The following RAB6A variants were observed in gnomAD, a reference collection of about 807,000 sequenced individuals.
RAB6A encodes RAB6A, member RAS oncogene family, also known as ras-related protein Rab-6A.
Under a neutral mutation model 32.3 loss-of-function variants are expected in RAB6A, and 8 were observed. That is an observed-to-expected ratio of 0.25 (90% CI 0.15 to 0.45). The LOEUF (loss-of-function observed/expected upper bound fraction) is 0.45, where lower values mean the gene tolerates loss of function less well. Among genes scored for constraint, RAB6A ranks in the 20% least tolerant of loss-of-function variants. The pLI, the probability that RAB6A is intolerant of heterozygous loss-of-function variation, is 1.00. For synonymous variants in RAB6A, 73 were observed against 82.1 expected, an observed-to-expected ratio of 0.89 and a Z score of 0.60; for missense variants, 104 against 249.4, an observed-to-expected ratio of 0.42 and a Z score of 3.93.
At chr11:73,686,843 T>C (rs1187730295) in intron 6 of RAB6A, among the ~76,000 whole-genome samples, 2 of 152,154 alleles carry the variant, frequency 1.3e-5, no homozygotes, top group Non-Finnish European at 2.9e-5. Flanking sequence ...TATTTTAACA[T>C]TCCTTAACAT....
intron 6 of RAB6A, among the ~76,000 whole-genome samples, chr11:73,690,780 G>A (rs1235777943): frequency 6.6e-6 from 1 of 150,670 alleles, no homozygotes; most frequent in Non-Finnish European, 1.5e-5. Context: ...CAGTGGGGTG[G>A]AAGGGTCCGG....
rs187462327 is a variant in RAB6A, at chr11:73,749,818, C to T, written c.70+10748G>A. Among the ~76,000 whole-genome samples, 6 of 152,172 alleles carry T rather than the reference C, an allele frequency of 3.9e-5. No individual in the cohort carries two copies. In the East Asian group the frequency reaches 9.7e-4, roughly 24 times the overall value. On this transcript the variant is annotated intron_variant, in intron 1 of 7. Coordinates refer to ENST00000336083, the MANE Select transcript of RAB6A (RefSeq NM_198896.2). ...TTGAGGATGCAGTGAGCTGTGATCA[C>T]ATCACTACTCTCCAGCCTGGGTAAC...
chr11:73,693,291 A>AAAATAAATAAAT lies in RAB6A; in HGVS notation c.496-13583_496-13572dup, dbSNP rs3046617. ...TGACAGAGCAAGACTCCGTCTCCAA[A>AAAATAAATAAAT]AAATAAATAAATAAATAAATAAATA... is the stretch of plus-strand genomic sequence containing the variant. On this transcript the variant is annotated intron_variant, in intron 6 of 7. Coordinates refer to ENST00000336083, the MANE Select transcript of RAB6A (RefSeq NM_198896.2). Among the ~76,000 whole-genome samples, 203 of 151,032 alleles carry AAAATAAATAAAT rather than the reference A, an allele frequency of 1.3e-3. 1 individual carries two copies. In the East Asian group the frequency reaches 0.019, roughly 14 times the overall value.
chr11:73,706,254 A>C (rs1032908497), intron 6 of RAB6A, among the ~76,000 whole-genome samples: 1 of 152,038 alleles, frequency 6.6e-6, no homozygotes, highest in African/African-American at 2.4e-5. Context: ...GGTGGCTCAC[A>C]CCTGTAATCC....
chr11:73,760,856 G>A lies in RAB6A; in HGVS notation c.-221C>T, dbSNP rs1030042884. 4 of 539,048 alleles carry A rather than the reference G, an allele frequency of 7.4e-6. No individual in the cohort carries two copies. Among genetic ancestry groups the A allele is most frequent in the Non-Finnish European group, 1.3e-5 (4 of 314,102 alleles). The allele number at this position is 539,048 out of a possible 1,614,324, so 33.4% of individuals were successfully genotyped here. The stretch of plus-strand genomic sequence containing the variant: ...AGTAGCCTAGCACCGAGCGAGGCCC[G>A]CGGCTGGGAAGGGAAGGAGGGCGGT... On this transcript the variant is annotated 5_prime_UTR_variant, in exon 1 of 8. Transcript: ENST00000336083.
chr11:73,726,726 G>A (rs1946229724), intron 2 of RAB6A, among the ~76,000 whole-genome samples: 1 of 150,886 alleles, frequency 6.6e-6, no homozygotes, highest in Non-Finnish European at 1.5e-5. Flanking sequence ...CTCCAGCCTG[G>A]GTGACAGAGT....
chr11:73,694,346 C>CT (rs571627958), intron 6 of RAB6A, among the ~76,000 whole-genome samples: 2 of 152,160 alleles, frequency 1.3e-5, no homozygotes, highest in Non-Finnish European at 2.9e-5. Context: ...TTAAACAAAT[C>CT]TAAGGCTAAA....
At chr11:73,707,797 T>G (rs1945873212) in intron 5 of RAB6A, among the ~76,000 whole-genome samples, 1 of 152,156 alleles carries the variant, frequency 6.6e-6, no homozygotes, top group Admixed American at 6.6e-5. Flanking sequence ...TTGAGGATGC[T>G]CGAGCCCAGG....
intron 7 of RAB6A, among the ~76,000 whole-genome samples, chr11:73,679,115 G>A (rs1002592063): frequency 2.0e-5 from 3 of 152,128 alleles, no homozygotes; most frequent in Admixed American, 2.0e-4. Context: ...TAATAAAAAT[G>A]CCTGCATATG....
At chr11:73,727,882 T>C (rs550027367) in intron 2 of RAB6A, among the ~76,000 whole-genome samples, 2 of 152,224 alleles carry the variant, frequency 1.3e-5, no homozygotes, top group Non-Finnish European at 2.9e-5. Flanking sequence ...GTTTTTTTCT[T>C]TAATCTATAG....
intron 6 of RAB6A, among the ~76,000 whole-genome samples, chr11:73,692,459 C>A (rs1374202610): frequency 7.3e-6 from 1 of 137,550 alleles, no homozygotes; most frequent in African/African-American, 2.7e-5. Context: ...GCCGAGATTG[C>A]GCCACTGCAC....
intron 1 of RAB6A, among the ~76,000 whole-genome samples, chr11:73,756,419 T>C (rs1165683366): frequency 6.6e-6 from 1 of 152,060 alleles, no homozygotes; most frequent in Non-Finnish European, 1.5e-5. Flanking sequence ...TTATCTAACA[T>C]ATTGCAATTT....
chr11:73,689,211 G>A (rs748238315), intron 6 of RAB6A, among the ~76,000 whole-genome samples: 8 of 152,120 alleles, frequency 5.3e-5, no homozygotes, highest in African/African-American at 7.2e-5. Context: ...ACCAGGGACC[G>A]GTTTCCTGTA....
chr11:73,677,762 C>G lies in RAB6A; in HGVS notation c.*136G>C. 2 of 1,522,864 alleles carry G rather than the reference C, an allele frequency of 1.3e-6. No individual in the cohort carries two copies. Among genetic ancestry groups the G allele is most frequent in the Non-Finnish European group, 1.8e-6 (2 of 1,118,502 alleles). 94.3% of individuals were successfully genotyped at this position (1,522,864 alleles called of 1,614,324 possible). On this transcript the variant is annotated 3_prime_UTR_variant, in exon 8 of 8. Coordinates refer to ENST00000336083, the MANE Select transcript of RAB6A (RefSeq NM_198896.2). ...AAGCTAATAGATCATCTCCACGAGA[C>G]AGGCAGCAATGATGAATTGCAATAC... is the stretch of plus-strand genomic sequence containing the variant.
chr11:73,737,642 C>T (rs1946420563), intron 1 of RAB6A, among the ~76,000 whole-genome samples: 1 of 152,082 alleles, frequency 6.6e-6, no homozygotes, highest in South Asian at 2.1e-4. Context: ...TGATAATATG[C>T]TTCAAAACAA....
At chr11:73,703,553 C>T (rs1377815145) in intron 6 of RAB6A, among the ~76,000 whole-genome samples, 7 of 151,706 alleles carry the variant, frequency 4.6e-5, no homozygotes. Context: ...ACCAGCCTGG[C>T]CAACGTGGCA....
At chr11:73,759,943 C>G (rs1327405304) in intron 1 of RAB6A, 3 of 1,059,040 alleles carry the variant, frequency 2.8e-6, no homozygotes, top group Admixed American at 2.5e-5. Context: ...CCCCAACCAC[C>G]CCATGCTCAA....
At chr11:73,720,177 T>C (rs1037477829) in intron 3 of RAB6A, among the ~76,000 whole-genome samples, 1 of 118,314 alleles carries the variant, frequency 8.5e-6, no homozygotes, top group African/African-American at 2.8e-5. Context: ...TAAATACACA[T>C]TACTTTTTTT....
intron 1 of RAB6A, among the ~76,000 whole-genome samples, chr11:73,732,477 T>A (rs1003051200): frequency 6.6e-6 from 1 of 152,150 alleles, no homozygotes; most frequent in Non-Finnish European, 1.5e-5. Context: ...TCTCAGCTAC[T>A]TGGGACGCTG....
Sources: allele counts gnomAD v4.1 joint callset (sites outside exome capture counted in the v4.1 genomes callset), GRCh38; gene constraint gnomAD v4.1.1; transcripts MANE v1.5; gene names NCBI Gene and HGNC (gene_info 2026-07-23, HGNC 2026-07-21).